The following RGSL1 variants were observed in gnomAD, a reference collection of about 807,000 sequenced individuals.
RGSL1 encodes the protein regulator of G protein signaling protein-like.
RGSL1 carries 97 observed loss-of-function variants against 124.7 expected under a neutral mutation model. The ratio of observed to expected loss-of-function variants is 0.78; its 90% CI spans 0.66 to 0.92. The LOEUF is 0.92. Ranked by LOEUF, RGSL1 falls within the 40% of genes least tolerant of loss-of-function variation. The pLI is 0.00. For synonymous variants in RGSL1, 424 were observed against 438.1 expected, an observed-to-expected ratio of 0.97 and a Z score of 0.40; for missense variants, 1,233 against 1,288.4, an observed-to-expected ratio of 0.96 and a Z score of 0.66.
intron 5 of RGSL1, 60 bp from the exon 6 acceptor site, chr1:182,473,515 A>T: frequency 1.5e-5 from 22 of 1,460,740 alleles, no homozygotes; most frequent in Non-Finnish European, 1.9e-5. Flanking sequence ...CCTCTCCAAC[A>T]CCATCATCAC....
Position 182,534,848 on chromosome 1 carries a change from A to T in RGSL1, c.2494+2057A>T, listed in dbSNP as rs148047062. ...TCTCAAAAAAAAAAAAAAGTTCTAG[A>T]TCTTTTGTTTCTTCTTTTAAATAAA... is the stretch of plus-strand genomic sequence containing the variant. On this transcript the variant is annotated intron_variant, in intron 14 of 21. Transcript: ENST00000294854. Among the ~76,000 whole-genome samples the T allele has an allele frequency of 7.2e-3, 1,095 of 151,946 alleles. 14 individuals carry two copies. The highest frequency in any genetic ancestry group is 0.027 in the Middle Eastern group (8 of 294).
At chr1:182,482,114 A>G (rs889865059) in intron 6 of RGSL1, among the ~76,000 whole-genome samples, 9 of 152,224 alleles carry the variant, frequency 5.9e-5, no homozygotes, top group Non-Finnish European at 1.2e-4. Context: ...GCAACTCATT[A>G]ACAGAATTAG....
chr1:182,538,436 G>A (rs61804874), intron 14 of RGSL1, among the ~76,000 whole-genome samples: 23,921 of 152,010 alleles, frequency 0.16, 2,143 homozygotes, highest in Middle Eastern at 0.27. Flanking sequence ...GCTGAGAAAG[G>A]AGAATTGCTT....
intron 14 of RGSL1, among the ~76,000 whole-genome samples, chr1:182,537,309 T>A (rs1041689078): frequency 6.6e-6 from 1 of 152,220 alleles, no homozygotes; most frequent in Non-Finnish European, 1.5e-5. Context: ...TAAGTCTATA[T>A]GTATAAGGAG....
intron 4 of RGSL1, among the ~76,000 whole-genome samples, chr1:182,468,137 T>C (rs1653503707): frequency 1.3e-5 from 2 of 152,288 alleles, no homozygotes; most frequent in South Asian, 4.1e-4. Context: ...GGAGAGGATG[T>C]GGAGAAATAG....
At chr1:182,488,420 G>C in intron 7 of RGSL1, 73 bp downstream of exon 7, 1 of 1,308,424 alleles carries the variant, frequency 7.6e-7, no homozygotes, top group Non-Finnish European at 1.1e-6. Flanking sequence ...TGTTTTAAAA[G>C]GGTTATGTGT....
chr1:182,553,479 C>T lies in RGSL1; in HGVS notation c.3068C>T (p.Thr1023Ile), dbSNP rs551028604. 2.3e-5 allele frequency: 35 copies of T among 1,551,998 alleles called. No homozygotes were observed. In the South Asian group the frequency reaches 4.0e-4, roughly 18 times the overall value. ...SGGDNAILRF[T>I]LLRGIEWLQP... ...GGAGACAATGCCATCTTAAGGTTCA[C>T]CTTGCTCAGAGGTATTGAGTGGTTG... Residue 1023 changes from threonine to isoleucine, a missense_variant, in exon 19 of 22, where the codon ACC (threonine) becomes ATC (isoleucine). Transcript: ENST00000294854.
At chr1:182,531,552 A>G (rs1349060898) in intron 13 of RGSL1, among the ~76,000 whole-genome samples, 3 of 152,236 alleles carry the variant, frequency 2.0e-5, no homozygotes, top group East Asian at 3.8e-4. Flanking sequence ...GACTCCAGAG[A>G]TCATTCTAAG....
At chr1:182,496,280 G>A (rs1334843238) in intron 9 of RGSL1, among the ~76,000 whole-genome samples, 2 of 152,106 alleles carry the variant, frequency 1.3e-5, no homozygotes, top group Non-Finnish European at 2.9e-5. Context: ...CCATTCATAA[G>A]AAACCACCCC....
At chr1:182,533,713 T>A (rs1659350858) in intron 14 of RGSL1, among the ~76,000 whole-genome samples, 1 of 152,220 alleles carries the variant, frequency 6.6e-6, no homozygotes, top group Non-Finnish European at 1.5e-5. Flanking sequence ...TTATTAGAAC[T>A]ATGCTTGGCA....
intron 2 of RGSL1, among the ~76,000 whole-genome samples, chr1:182,454,601 T>C (rs1201501806): frequency 2.7e-5 from 4 of 148,842 alleles, no homozygotes; most frequent in African/African-American, 9.8e-5. Flanking sequence ...TGTGTGTGTG[T>C]GTGTGTGTGT....
In RGSL1 at chr1:182,540,327, G is replaced by T. The variant is rs1029273387; in HGVS notation, c.2575G>T (p.Glu859Ter). ...CCGGAGTGCAGACCAAGAGAATGGAGAAATAACCCTTGTAAAGCGTCGTAT... is the reference window on the plus strand; with the variant it reads ...CCGGAGTGCAGACCAAGAGAATGGATAAATAACCCTTGTAAAGCGTCGTAT... ...NVRSADQENGEITLVKRRIFG... is the reference protein window; with the variant it reads ...NVRSADQENG The change falls in exon 15 of 22, where the codon GAA (glutamate) becomes TAA (stop). Residue 859 changes from glutamate (E) to a stop codon, truncating the protein, a stop_gained. Transcript: ENST00000294854. LOFTEE classifies it high-confidence loss of function. 1.3e-6 allele frequency: 2 copies of T among 1,551,332 alleles called. No individual in the cohort carries two copies. The highest frequency in any genetic ancestry group is 2.7e-5 in the African/African-American group (2 of 73,004).
intron 15 of RGSL1, among the ~76,000 whole-genome samples, chr1:182,545,277 A>C (rs1241074084): frequency 6.6e-6 from 1 of 152,150 alleles, no homozygotes; most frequent in Non-Finnish European, 1.5e-5. Context: ...ACAAAGAAAA[A>C]ACTAAAATGA....
At chr1:182,522,149 C>T (rs1190118959) in intron 10 of RGSL1, 40 bp downstream of exon 10, 7 of 1,404,684 alleles carry the variant, frequency 5.0e-6, no homozygotes, top group Middle Eastern at 1.8e-4. Context: ...TCTTCAGGTA[C>T]ATGCTTTTGA....
intron 6 of RGSL1, among the ~76,000 whole-genome samples, chr1:182,474,902 G>A (rs1293086503): frequency 6.6e-6 from 1 of 152,142 alleles, no homozygotes; most frequent in Non-Finnish European, 1.5e-5. Context: ...AGAATCGAAT[G>A]CCTGATTATC....
chr1:182,470,266 A>G (rs79967483), intron 4 of RGSL1, among the ~76,000 whole-genome samples: 1,687 of 152,138 alleles, frequency 0.011, 30 homozygotes, highest in African/African-American at 0.038. Context: ...AACACCCCCA[A>G]TACTACCAAT....
At chr1:182,466,204 A>G (rs1385662823) in intron 4 of RGSL1, among the ~76,000 whole-genome samples, 2 of 152,190 alleles carry the variant, frequency 1.3e-5, no homozygotes, top group African/African-American at 4.8e-5. Flanking sequence ...ACCCACAGTG[A>G]ACATCATACT....
At chr1:182,496,244 G>A (rs1009957017) in intron 9 of RGSL1, among the ~76,000 whole-genome samples, 2 of 152,066 alleles carry the variant, frequency 1.3e-5, no homozygotes, top group African/African-American at 2.4e-5. Flanking sequence ...TGATGGTGAG[G>A]ACAGTACCAA....
chr1:182,488,440 T>A, intron 7 of RGSL1, 93 bp downstream of exon 7: 1 of 1,209,930 alleles, frequency 8.3e-7, no homozygotes, highest in Non-Finnish European at 1.2e-6. Context: ...TTAAAGTAAA[T>A]GAAATTGTTA....
Sources: allele counts gnomAD v4.1 joint callset (sites outside exome capture counted in the v4.1 genomes callset), GRCh38; gene constraint gnomAD v4.1.1; transcripts MANE v1.5; gene names NCBI Gene and HGNC (gene_info 2026-07-23, HGNC 2026-07-21).